Variants in OPRD1 observed in about 807,000 individuals in gnomAD.
OPRD1 encodes the protein opioid receptor delta 1.
Under a neutral mutation model 17.5 loss-of-function variants are expected in OPRD1, and 19 were observed. The ratio of observed to expected loss-of-function variants is 1.09; its 90% confidence interval spans 0.76 to 1.60. The LOEUF is 1.60. Ranked by LOEUF, OPRD1 falls within the 40% of genes most tolerant of loss-of-function variation. OPRD1 has a pLI of 0.00. For synonymous variants in OPRD1, 256 were observed against 240.9 expected, an observed-to-expected ratio of 1.06 and a Z score of -0.58; for missense variants, 483 against 547.2, an observed-to-expected ratio of 0.88 and a Z score of 1.17.
At chr1:28,825,867 G>A (rs947838142) in intron 1 of OPRD1, among the ~76,000 whole-genome samples, 7 of 152,192 alleles carry the variant, frequency 4.6e-5, no homozygotes, top group African/African-American at 9.7e-5. Context: ...TGAACTCAGC[G>A]TGCTGTCTGT....
intron 1 of OPRD1, 46 bp downstream of exon 1, chr1:28,812,656 A>C: frequency 7.1e-7 from 1 of 1,414,054 alleles, no homozygotes; most frequent in Middle Eastern, 1.9e-4. Context: ...GCCCGGGGTG[A>C]GGGTGGGGAT....
rs556490310 is a variant in OPRD1 at position 28,834,888 on chromosome 1, C to T, written c.227+22278C>T. 5.3e-5 allele frequency among the ~76,000 whole-genome samples: 8 copies of T among 152,236 alleles called. No individual in the cohort carries two copies. The South Asian group carries it at 1.7e-3, about 32-fold the overall frequency. On this transcript the variant is annotated intron_variant, in intron 1 of 2. Transcript: ENST00000234961. Reference sequence around the variant, plus strand: ...GGAGCCTTCTCTGATTGCTCCTCACCGCCCTTCCAGCCAACAGGTAACCCT... The same window carrying T: ...GGAGCCTTCTCTGATTGCTCCTCACTGCCCTTCCAGCCAACAGGTAACCCT...
At chr1:28,816,351 G>A (rs182638635) in intron 1 of OPRD1, among the ~76,000 whole-genome samples, 2 of 152,240 alleles carry the variant, frequency 1.3e-5, no homozygotes, top group Admixed American at 1.3e-4. Context: ...GATCAGAGAA[G>A]CCTCTGCAGA....
chr1:28,822,947 T>C (rs2088728563), intron 1 of OPRD1, among the ~76,000 whole-genome samples: 1 of 152,146 alleles, frequency 6.6e-6, no homozygotes, highest in African/African-American at 2.4e-5. Flanking sequence ...ACACGGAATG[T>C]CATAACATGC....
chr1:28,838,090 C>T (rs192181866), intron 1 of OPRD1, among the ~76,000 whole-genome samples: 8 of 151,814 alleles, frequency 5.3e-5, no homozygotes, highest in East Asian at 1.9e-4. Flanking sequence ...TAGTAGCATT[C>T]GATAGAATGT....
Position 28,858,818 on chromosome 1 carries a change from T to G in OPRD1, c.228-136T>G. 4.8e-6 allele frequency: 4 copies of G among 824,784 alleles called. No individual in the cohort carries two copies. In the South Asian group the frequency reaches 6.4e-5, roughly 13 times the overall value. The allele number at this position is 824,784 out of a possible 1,614,324, so 51.1% of individuals were successfully genotyped here. On this transcript the variant is annotated intron_variant, in intron 1 of 2. Coordinates refer to ENST00000234961, the MANE Select transcript of OPRD1 (RefSeq NM_000911.4). ...GCCTTGGCCTCCAAAAGTGCTGGGA[T>G]TACAGTTGTGAGGCACCATGCCTAG... is the stretch of plus-strand genomic sequence containing the variant.
In OPRD1 at chr1:28,846,878, CTTTCTTTCTTTCTTTTCTCTTTCTTTCTT is replaced by C. The variant is rs2088955166; in HGVS notation, c.228-12060_228-12032del. 2.0e-4 allele frequency among the ~76,000 whole-genome samples: 21 copies of C among 103,202 alleles called. No individual in the cohort carries two copies. The South Asian group carries it at 2.2e-3, about 11-fold the overall frequency. The allele number at this position is 103,202 out of a possible 152,430, so 67.7% of individuals were successfully genotyped here. A position where few individuals can be genotyped will look rare whatever the true frequency, so the allele number is the denominator to read the frequency against. On this transcript the variant is annotated intron_variant, in intron 1 of 2. Transcript: ENST00000234961. ...TCTTTCTTTCTTTCTTTCTTTCTTT[CTTTCTTTCTTTCTTTTCTCTTTCTTTCTT>C]TTTCTTTCTTTCTTTCTTTTTCTTC...
rs534345758 is a variant in OPRD1 at position 28,855,072 on chromosome 1, A to G, written c.228-3882A>G. ...CGAGAGACCCAAGTGGGCAGAAAAG[A>G]AGATGAATGTAAGTCAGGAAGTGGT... On this transcript the variant is annotated intron_variant, in intron 1 of 2. Transcript: ENST00000234961. 2.5e-4 allele frequency among the ~76,000 whole-genome samples: 38 copies of G among 152,288 alleles called. 1 individual carries two copies. The South Asian group carries it at 7.7e-3, about 31-fold the overall frequency.
chr1:28,839,361 C>T (rs1450442273), intron 1 of OPRD1, among the ~76,000 whole-genome samples: 3 of 152,172 alleles, frequency 2.0e-5, no homozygotes, highest in Non-Finnish European at 4.4e-5. Flanking sequence ...GTTAGAGTCC[C>T]CCTCAATGAT....
At position 28,865,380 on chromosome 1, in the gene OPRD1, T is replaced by C. The variant is rs2089167526; in HGVS notation, c.*2097T>C. 1 of 152,232 alleles carries C rather than the reference T, an allele frequency of 6.6e-6. No homozygotes were observed. Among genetic ancestry groups the C allele is most frequent in the South Asian group, 2.1e-4 (1 of 4,832 alleles). The allele number at this position is 152,232 out of a possible 1,614,324, so 9.4% of individuals were successfully genotyped here. On this transcript the variant is annotated 3_prime_UTR_variant, in exon 3 of 3. Coordinates refer to ENST00000234961, the MANE Select transcript of OPRD1 (RefSeq NM_000911.4). ...GAAAAAAGAAAAAGAAACAATATAC[T>C]TCTTTTCCCTTTGACAGCCATGTCT...
chr1:28,828,064 G>T (rs2088780744), intron 1 of OPRD1, among the ~76,000 whole-genome samples: 1 of 152,086 alleles, frequency 6.6e-6, no homozygotes, highest in Admixed American at 6.6e-5. Context: ...AACTAGAATG[G>T]TGAATTTTTT....
At chr1:28,855,714 T>C (rs1319148872) in intron 1 of OPRD1, among the ~76,000 whole-genome samples, 3 of 152,138 alleles carry the variant, frequency 2.0e-5, no homozygotes, top group African/African-American at 7.2e-5. Flanking sequence ...CAAATCAAAA[T>C]AGCAGGCAAA....
intron 1 of OPRD1, among the ~76,000 whole-genome samples, chr1:28,815,277 A>T (rs72887696): frequency 0.081 from 12,303 of 152,120 alleles, 694 homozygotes; most frequent in African/African-American, 0.16. Flanking sequence ...TGCTAACTTT[A>T]GTTTTTTTTG....
Position 28,868,454 on chromosome 1 carries a change from C to T in OPRD1, c.*5171C>T, listed in dbSNP as rs1235018444. On this transcript the variant is annotated 3_prime_UTR_variant, in exon 3 of 3. Coordinates refer to ENST00000234961, the MANE Select transcript of OPRD1 (RefSeq NM_000911.4). ...CAAAGTGCCACCAAAGTGCCTGGCA[C>T]ATAGTGGGGCCTCGATACAGGCTTA... is the stretch of plus-strand genomic sequence containing the variant. 1.3e-5 allele frequency: 2 copies of T among 152,356 alleles called. No homozygotes were observed. Among genetic ancestry groups the T allele is most frequent in the East Asian group, 1.9e-4 (1 of 5,188 alleles). 9.4% of individuals were successfully genotyped at this position (152,356 alleles called of 1,614,324 possible).
intron 2 of OPRD1, among the ~76,000 whole-genome samples, chr1:28,862,201 A>G (rs973995278): frequency 5.9e-5 from 9 of 151,880 alleles, no homozygotes; most frequent in African/African-American, 1.9e-4. Flanking sequence ...ACAGGCGTGA[A>G]CTACCGCACC....
At position 28,851,795 on chromosome 1, in the gene OPRD1, G is replaced by A. The variant is rs1468464596; in HGVS notation, c.228-7159G>A. On this transcript the variant is annotated intron_variant, in intron 1 of 2. Coordinates refer to ENST00000234961, the MANE Select transcript of OPRD1 (RefSeq NM_000911.4). ...CTGAGGCGGGAAAATTGCTTGAACC[G>A]GGGAGGCGGAGGTTGCGCCATTGCA... Among the ~76,000 whole-genome samples, 14 of 148,826 alleles carry A rather than the reference G, an allele frequency of 9.4e-5. No homozygotes were observed. The East Asian group carries it at 2.8e-3, about 30-fold the overall frequency.
chr1:28,815,397 G>T (rs767918131), intron 1 of OPRD1, among the ~76,000 whole-genome samples: 3 of 152,202 alleles, frequency 2.0e-5, no homozygotes, highest in Admixed American at 1.3e-4. Context: ...GAGCCATGGT[G>T]CCCGGCTGTG....
chr1:28,812,597 T>C lies in OPRD1; in HGVS notation c.214T>C (p.Phe72Leu), dbSNP rs746606505. The change falls in exon 1 of 3, where the codon TTC (phenylalanine) becomes CTC (leucine). Residue 72 changes from phenylalanine to leucine, a missense_variant. Phe to Leu is a conservative substitution (Grantham distance 22). Coordinates refer to ENST00000234961, the MANE Select transcript of OPRD1 (RefSeq NM_000911.4). Reference protein sequence around the residue: ...VGLLGNVLVMFGIVRYTKMKT... With the variant: ...VGLLGNVLVMLGIVRYTKMKT... ...GCTGCTGGGCAACGTGCTTGTCATG[T>C]TCGGCATCGTCCGGTGAGTCCGCTG... is the stretch of plus-strand genomic sequence containing the variant. 1 of 1,543,958 alleles carries C rather than the reference T, an allele frequency of 6.5e-7. No individual in the cohort carries two copies. The highest frequency in any genetic ancestry group is 8.7e-7 in the Non-Finnish European group (1 of 1,150,860).
At chr1:28,824,364 G>A (rs937988100) in intron 1 of OPRD1, among the ~76,000 whole-genome samples, 6 of 145,156 alleles carry the variant, frequency 4.1e-5, no homozygotes, top group African/African-American at 1.5e-4. Context: ...GCCCAGGTTG[G>A]AGTGCAGTGG....
Sources: allele counts gnomAD v4.1 joint callset (sites outside exome capture counted in the v4.1 genomes callset), GRCh38; gene constraint gnomAD v4.1.1; transcripts MANE v1.5; gene names NCBI Gene and HGNC (gene_info 2026-07-23, HGNC 2026-07-21).